CYP11B2: variants seen among roughly 807,000 people sequenced by gnomAD.
CYP11B2 encodes cytochrome P450 family 11 subfamily B member 2, also known as cytochrome P450 11B2, mitochondrial.
A neutral mutation model predicts 49.3 loss-of-function variants in CYP11B2; 38 were observed. The ratio of observed to expected loss-of-function variants is 0.77; its 90% CI spans 0.59 to 1.01. The LOEUF is 1.01. Ranked by LOEUF, CYP11B2 falls within the 50% of genes least tolerant of loss-of-function variation. The probability of loss-of-function intolerance (pLI) is 0.00; values close to 1 mark genes in which losing one functional copy is unlikely to be tolerated. For missense variants in CYP11B2, 669 were observed against 655.5 expected (o/e 1.02, Z -0.23); for synonymous variants, 290 against 269.3 (o/e 1.08, Z -0.75).
chr8:142,917,324 G>T (rs1156279623), intron 1 of CYP11B2, 110 bp from the exon 2 acceptor site: 8 of 1,439,864 alleles, frequency 5.6e-6, no homozygotes, highest in Admixed American at 3.4e-5. Flanking sequence ...TCCTGGATTA[G>T]CGGCTTCACA....
rs749706504 is a variant in CYP11B2 at position 142,912,084 on chromosome 8, G to A, written c.1408C>T (p.His470Tyr). The change falls in exon 9 of 9, where the codon CAC (histidine) becomes TAC (tyrosine). Residue 470 changes from histidine to tyrosine, a missense_variant. His to Tyr is a moderately conservative substitution (Grantham distance 83). Transcript: ENST00000323110. ...TGAGTTAGTGTCTCCACCAGGAAGT[G>A]CTTCAGCACCTAGGACAGAGGCTGG... ...MLLLLHHVLKHFLVETLTQED... is the reference protein window; with the variant it reads ...MLLLLHHVLKYFLVETLTQED... The A allele has an allele frequency of 5.0e-6, 8 of 1,613,906 alleles. No homozygotes were observed. The highest frequency in any genetic ancestry group is 6.8e-6 in the Non-Finnish European group (8 of 1,179,962).
rs750931398 is a variant in CYP11B2 at position 142,912,736 on chromosome 8, G to C, written c.1201-9C>G. 3.7e-6 allele frequency: 6 copies of C among 1,613,704 alleles called. No homozygotes were observed. The highest frequency in any genetic ancestry group is 4.2e-6 in the Non-Finnish European group (5 of 1,179,636). On this transcript the variant is annotated splice_polypyrimidine_tract_variant and intron_variant, in intron 7 of 8. Coordinates refer to ENST00000323110, the MANE Select transcript of CYP11B2 (RefSeq NM_000498.3). Reference sequence around the variant, plus strand: ...AAAACCTGTACCAATGTCTGCGGACGGTGCAGAGCAGGGATCAGGGAATGA... The same window carrying C: ...AAAACCTGTACCAATGTCTGCGGACCGTGCAGAGCAGGGATCAGGGAATGA...
In CYP11B2 at chr8:142,913,280, C is replaced by G. The variant is rs751714149; in HGVS notation, c.1121+5G>C. ...GGCCACAGGGAGGCCTCAGCCAGCA[C>G]CCACCGCAAGGTCTCCTTGAGGGCC... On this transcript the variant is annotated splice_donor_5th_base_variant and intron_variant, in intron 6 of 8. Coordinates refer to ENST00000323110, the MANE Select transcript of CYP11B2 (RefSeq NM_000498.3). The G allele has an allele frequency of 6.2e-7, 1 of 1,613,026 alleles. No homozygotes were observed. The highest frequency in any genetic ancestry group is 1.7e-4 in the Middle Eastern group (1 of 6,022).
At position 142,910,823 on chromosome 8, in the gene CYP11B2, G is replaced by GAACA. The variant is rs1041525626; in HGVS notation, c.*1153_*1156dup. The stretch of plus-strand genomic sequence containing the variant: ...CCTAAGTATTTCCCCTTTCATGGGG[G>GAACA]AACAAACGCTCTGATCCTCATCAGC... On this transcript the variant is annotated 3_prime_UTR_variant, in exon 9 of 9. Transcript: ENST00000323110. The surrounding 1 kb of genome is among the most constrained non-coding windows in gnomAD (Gnocchi z 4.6). The GAACA allele has an allele frequency of 9.2e-5, 14 of 152,176 alleles. No homozygotes were observed. The highest frequency in any genetic ancestry group is 3.4e-4 in the African/African-American group (14 of 41,428). The allele number at this position is 152,176 out of a possible 1,614,324, so 9.4% of individuals were successfully genotyped here.
intron 3 of CYP11B2, 41 bp downstream of exon 3, chr8:142,915,005 T>A (rs1817615699): frequency 2.5e-6 from 4 of 1,612,524 alleles, no homozygotes. Context: ...CCCTGGCCAC[T>A]CCAGGGTCTC....
chr8:142,912,656 A>T lies in CYP11B2; in HGVS notation c.1272T>A (p.Asn424Lys). ...CCCTGATGTCTAGCCAGCGCTGGGG[A>T]TTATACCGCTCAGGCCTCGGGAACA... ...AALFPRPERY[N>K]PQRWLDIRGS... Residue 424 changes from asparagine (N) to lysine (K), a missense_variant, in exon 8 of 9, where the codon AAT becomes AAA. Asn to Lys is a moderately conservative substitution (Grantham distance 94). Coordinates refer to ENST00000323110, the MANE Select transcript of CYP11B2 (RefSeq NM_000498.3). The T allele has an allele frequency of 1.2e-6, 2 of 1,613,684 alleles. No individual in the cohort carries two copies. The highest frequency in any genetic ancestry group is 8.5e-7 in the Non-Finnish European group (1 of 1,179,982).
At chr8:142,913,083 C>G (rs1817570675) in intron 6 of CYP11B2, among the ~76,000 whole-genome samples, 198 bp from the exon 7 acceptor site, 1 of 151,124 alleles carries the variant, frequency 6.6e-6, no homozygotes, top group African/African-American at 2.4e-5. Context: ...AGGACATGCC[C>G]CACGTTAATC....
chr8:142,917,808 C>T lies in CYP11B2; in HGVS notation c.33G>A (p.Val11=). The T allele has an allele frequency of 6.2e-7, 1 of 1,614,110 alleles. No homozygotes were observed. The highest frequency in any genetic ancestry group is 2.2e-5 in the East Asian group (1 of 44,876). ...TTTGCAGGGACAGCCAGGGCGCTGC[C>T]ACGCACACCTCTGCCTTTGCCCTGA... MALRAKAEVC[V]AAPWLSLQRA... The change falls in exon 1 of 9, where the codon GTG becomes GTA. Residue 11 remains valine (V), a synonymous_variant. Coordinates refer to ENST00000323110, the MANE Select transcript of CYP11B2 (RefSeq NM_000498.3).
Position 142,912,575 on chromosome 8 carries a change from G to C in CYP11B2, c.1353C>G (p.Leu451=). Residue 451 remains leucine, a synonymous_variant, in exon 8 of 9, where the codon CTC becomes CTG. Transcript: ENST00000323110. ...VPFGFGMRQC[L]GRRLAEAEML... ...TCTCTGCCTCTGCCAGGCGCCGCCCGAGGCACTGGCGCATGCCAAAGCCAA... is the reference window on the plus strand; with the variant it reads ...TCTCTGCCTCTGCCAGGCGCCGCCCCAGGCACTGGCGCATGCCAAAGCCAA... 6.2e-7 allele frequency: 1 copy of C among 1,613,738 alleles called. No individual in the cohort carries two copies. Among genetic ancestry groups the C allele is most frequent in the Non-Finnish European group, 8.5e-7 (1 of 1,179,864 alleles).
chr8:142,911,461 T>G lies in CYP11B2; in HGVS notation c.*519A>C, dbSNP rs1817533566. 1 of 175,662 alleles carries G rather than the reference T, an allele frequency of 5.7e-6. No homozygotes were observed. The allele number at this position is 175,662 out of a possible 1,614,324, so 10.9% of individuals were successfully genotyped here. A position where few individuals can be genotyped will look rare whatever the true frequency, so the allele number is the denominator to read the frequency against. On this transcript the variant is annotated 3_prime_UTR_variant, in exon 9 of 9. Coordinates refer to ENST00000323110, the MANE Select transcript of CYP11B2 (RefSeq NM_000498.3). ...CAGGATCGTATTCCAGGGTGACAAC[T>G]TTCAGAGAGCTCAGGGCATGCTCGA...
Position 142,912,586 on chromosome 8 carries a change from G to A in CYP11B2, c.1342C>T (p.Arg448Cys). The A allele has an allele frequency of 2.5e-6, 4 of 1,614,158 alleles. No homozygotes were observed. Among genetic ancestry groups the A allele is most frequent in the East Asian group, 2.2e-5 (1 of 44,872 alleles). ...GCCAGGCGCCGCCCGAGGCACTGGCGCATGCCAAAGCCAAAGGGCACGTGG... is the reference window on the plus strand; with the variant it reads ...GCCAGGCGCCGCCCGAGGCACTGGCACATGCCAAAGCCAAAGGGCACGTGG... The part of the protein sequence containing the change: ...FHHVPFGFGM[R>C]QCLGRRLAEA... The change falls in exon 8 of 9, where the codon CGC (arginine) becomes TGC (cysteine). Residue 448 changes from arginine to cysteine, a missense_variant. Physicochemically the swap from Arg to Cys is radical, Grantham distance 180 (BLOSUM62 -3). Transcript: ENST00000323110.
Position 142,917,724 on chromosome 8 carries a change from T to C in CYP11B2, c.117A>G (p.Glu39=). 6.2e-7 allele frequency: 1 copy of C among 1,614,242 alleles called. No homozygotes were observed. Among genetic ancestry groups the C allele is most frequent in the East Asian group, 2.2e-5 (1 of 44,886 alleles). ...TGTTGCCTGGATGCTGGGGCATGGC[T>C]TCAAACGGCAGCACCGTCCTAGGGG... ...ARAPRTVLPF[E]AMPQHPGNRW... The change falls in exon 1 of 9, where the codon GAA becomes GAG. Residue 39 remains glutamate (E), a synonymous_variant. Coordinates refer to ENST00000323110, the MANE Select transcript of CYP11B2 (RefSeq NM_000498.3).
chr8:142,912,134 C>A (rs751531272), intron 8 of CYP11B2, 41 bp from the exon 9 acceptor site: 1 of 1,613,376 alleles, frequency 6.2e-7, no homozygotes, highest in Non-Finnish European at 8.5e-7. Flanking sequence ...TGGTCAGTAG[C>A]CCATGGACCT....
rs1817578231 is a variant in CYP11B2, at chr8:142,913,435, A to G, written c.971T>C (p.Leu324Pro). The change falls in exon 6 of 9, where the codon CTG (leucine) becomes CCG (proline). Residue 324 changes from leucine to proline, a missense_variant. Leu to Pro is a moderately conservative substitution (Grantham distance 98). Transcript: ENST00000323110. ...GSVDTTAFPLLMTLFELARNP... is the reference protein window; with the variant it reads ...GSVDTTAFPLPMTLFELARNP... ...CCGAGCCAGCTCAAAGAGCGTCATCAGCAAGGGAAACGCTGTCTACAGAAG... is the reference window on the plus strand; with the variant it reads ...CCGAGCCAGCTCAAAGAGCGTCATCGGCAAGGGAAACGCTGTCTACAGAAG... 1 of 1,614,052 alleles carries G rather than the reference A, an allele frequency of 6.2e-7. No homozygotes were observed.
rs5309 is a variant in CYP11B2 at position 142,914,688 on chromosome 8, C to T, written c.799+17G>A. ...GGTGTCCCTTCCCCATAGCACTGCC[C>T]GGGTCCCTGGCCTCACCGTACTGGA... On this transcript the variant is annotated intron_variant, in intron 4 of 8. Coordinates refer to ENST00000323110, the MANE Select transcript of CYP11B2 (RefSeq NM_000498.3). The T allele has an allele frequency of 7.3e-4, 1,152 of 1,579,040 alleles. 11 individuals are homozygous for T. The African/African-American group carries it at 0.012, about 17-fold the overall frequency.
chr8:142,917,690 T>A lies in CYP11B2; in HGVS notation c.151A>T (p.Arg51Trp), dbSNP rs770655853. 6.2e-7 allele frequency: 1 copy of A among 1,614,244 alleles called. No homozygotes were observed. The highest frequency in any genetic ancestry group is 2.2e-5 in the East Asian group (1 of 44,886). ...MPQHPGNRWL[R>W]LLQIWREQGY... ...TGCTCCCTCCAGATCTGCAGCAGCC[T>A]CAGCCACCTGTTGCCTGGATGCTGG... The change falls in exon 1 of 9, where the codon AGG becomes TGG. Residue 51 changes from arginine (R) to tryptophan (W), a missense_variant. By Grantham distance (101) the Arg-to-Trp change is moderately radical. Transcript: ENST00000323110.
chr8:142,917,576 C>A (rs1330027754), intron 1 of CYP11B2, 26 bp downstream of exon 1: 1 of 1,613,946 alleles, frequency 6.2e-7, no homozygotes, highest in Non-Finnish European at 8.5e-7. Flanking sequence ...CTGGGTGTTC[C>A]CAGCGAGGGC....
At chr8:142,912,121 G>A in intron 8 of CYP11B2, 28 bp from the exon 9 acceptor site, 1 of 1,613,750 alleles carries the variant, frequency 6.2e-7, no homozygotes, top group South Asian at 1.1e-5. Context: ...TTTCCATCTG[G>A]CCTGGTCAGT....
chr8:142,913,417 A>G lies in CYP11B2; in HGVS notation c.989T>C (p.Leu330Pro). The G allele has an allele frequency of 6.2e-6, 10 of 1,614,048 alleles. No individual in the cohort carries two copies. The highest frequency in any genetic ancestry group is 8.5e-6 in the Non-Finnish European group (10 of 1,179,996). Residue 330 changes from leucine to proline, a missense_variant, in exon 6 of 9, where the codon CTG becomes CCG. Leu to Pro is a moderately conservative substitution (Grantham distance 98). Coordinates refer to ENST00000323110, the MANE Select transcript of CYP11B2 (RefSeq NM_000498.3). ...CTGCTGCACGTCGGGGTTCCGAGCC[A>G]GCTCAAAGAGCGTCATCAGCAAGGG... The part of the protein sequence containing the change: ...AFPLLMTLFE[L>P]ARNPDVQQIL...
Sources: allele counts gnomAD v4.1 joint callset (sites outside exome capture counted in the v4.1 genomes callset), GRCh38; gene constraint gnomAD v4.1.1; non-coding constraint Gnocchi (gnomAD v3.1); transcripts MANE v1.5; gene names NCBI Gene and HGNC (gene_info 2026-07-23, HGNC 2026-07-21).